CAMK4: variants seen among roughly 807,000 people sequenced by gnomAD.
CAMK4 encodes the protein calcium/calmodulin-dependent protein kinase type IV.
A neutral mutation model predicts 44.9 loss-of-function variants in CAMK4; 22 were observed. That is an observed-to-expected ratio of 0.49 (90% CI 0.35 to 0.70). The LOEUF (loss-of-function observed/expected upper bound fraction) is 0.70. CAMK4 is among the 30% of genes least tolerant of loss of function. The pLI is 0.01. For missense variants in CAMK4, 498 were observed against 586.8 expected, an observed-to-expected ratio of 0.85 and a Z score of 1.56; for synonymous variants, 218 against 215.4, an observed-to-expected ratio of 1.01 and a Z score of -0.11.
chr5:111,226,910 G>C (rs1174930215), intron 1 of CAMK4, among the ~76,000 whole-genome samples: 1 of 152,134 alleles, frequency 6.6e-6, no homozygotes, highest in Non-Finnish European at 1.5e-5. Flanking sequence ...CATCCTATTG[G>C]AGACCCTCTG....
Position 111,479,085 on chromosome 5 carries a change from C to T in CAMK4, c.828+578C>T, listed in dbSNP as rs536395423. 2.6e-5 allele frequency among the ~76,000 whole-genome samples: 4 copies of T among 152,202 alleles called. No homozygotes were observed. The South Asian group carries it at 8.3e-4, about 32-fold the overall frequency. ...GGAAATATGGGGTCTTGCTATGTTG[C>T]CCAGGCTGGTCTCAAACTCCTGCCC... is the stretch of plus-strand genomic sequence containing the variant. On this transcript the variant is annotated intron_variant, in intron 9 of 10. Coordinates refer to ENST00000282356, the MANE Select transcript of CAMK4 (RefSeq NM_001744.6).
At chr5:111,242,393 T>C (rs753963185) in intron 1 of CAMK4, among the ~76,000 whole-genome samples, 1 of 152,198 alleles carries the variant, frequency 6.6e-6, no homozygotes, top group Non-Finnish European at 1.5e-5. Flanking sequence ...ACACATTCAA[T>C]AAAGGTTAAT....
chr5:111,301,987 T>A (rs1747739363), intron 1 of CAMK4, among the ~76,000 whole-genome samples: 1 of 152,228 alleles, frequency 6.6e-6, no homozygotes. Context: ...TGTAATGATT[T>A]AACTGGCATT....
At chr5:111,352,109 G>C (rs905941086) in intron 2 of CAMK4, among the ~76,000 whole-genome samples, 3 of 151,986 alleles carry the variant, frequency 2.0e-5, no homozygotes, top group Non-Finnish European at 4.4e-5. Flanking sequence ...CTATCATTGG[G>C]GATTTAGGCT....
chr5:111,236,297 G>T lies in CAMK4; in HGVS notation c.161+11653G>T, dbSNP rs140633895. Among the ~76,000 whole-genome samples the T allele has an allele frequency of 5.7e-3, 866 of 152,334 alleles. 6 individuals carry two copies. The highest frequency in any genetic ancestry group is 6.4e-3 in the Non-Finnish European group (438 of 68,032). On this transcript the variant is annotated intron_variant, in intron 1 of 10. Transcript: ENST00000282356. ...CAATCTGAGCTCAACTTCCAGGCCA[G>T]CCTCCTTCCCCACCACTTCTCTTCT...
At chr5:111,449,092 A>C (rs1333092166) in intron 6 of CAMK4, 37 bp from the exon 7 acceptor site, 1 of 852,566 alleles carries the variant, frequency 1.2e-6, no homozygotes, top group African/African-American at 1.7e-5. Context: ...AAAGCTGAGA[A>C]GACGTGCTTC....
intron 1 of CAMK4, among the ~76,000 whole-genome samples, chr5:111,243,869 T>G (rs987969515): frequency 6.6e-6 from 1 of 152,222 alleles, no homozygotes; most frequent in Non-Finnish European, 1.5e-5. Flanking sequence ...TGCATTCATC[T>G]TCACCATTCT....
chr5:111,341,263 A>G (rs1749631610), intron 1 of CAMK4, among the ~76,000 whole-genome samples: 1 of 151,278 alleles, frequency 6.6e-6, no homozygotes, highest in Non-Finnish European at 1.5e-5. Context: ...TATCTAAGAA[A>G]TCATTGCCTA....
intron 1 of CAMK4, among the ~76,000 whole-genome samples, chr5:111,248,227 A>G (rs750921784): frequency 6.6e-6 from 1 of 152,230 alleles, no homozygotes; most frequent in African/African-American, 2.4e-5. Context: ...AATTTAATAA[A>G]TGTTGACTGA....
chr5:111,372,501 G>T (rs441470), intron 2 of CAMK4, among the ~76,000 whole-genome samples: 1 of 152,028 alleles, frequency 6.6e-6, no homozygotes, highest in African/African-American at 2.4e-5. Flanking sequence ...GTTTCATGCC[G>T]TTTGGAAAGG....
intron 4 of CAMK4, among the ~76,000 whole-genome samples, chr5:111,377,988 G>A (rs1751277848): frequency 6.6e-6 from 1 of 152,102 alleles, no homozygotes; most frequent in African/African-American, 2.4e-5. Context: ...TGCGTTGAGA[G>A]AGGAACACTC....
chr5:111,275,621 G>C (rs1750727782), intron 1 of CAMK4, among the ~76,000 whole-genome samples: 1 of 152,012 alleles, frequency 6.6e-6, no homozygotes, highest in Non-Finnish European at 1.5e-5. Context: ...TATAGCTTGG[G>C]AGTAAAGCAT....
At chr5:111,225,447 TC>T (rs1286591095) in intron 1 of CAMK4, among the ~76,000 whole-genome samples, 1 of 148,702 alleles carries the variant, frequency 6.7e-6, no homozygotes, top group Non-Finnish European at 1.5e-5. Context: ...ATTATAGTTT[TC>T]TTTCCCTTAC....
At chr5:111,334,880 AC>A (rs1484725724) in intron 1 of CAMK4, among the ~76,000 whole-genome samples, 1 of 151,564 alleles carries the variant, frequency 6.6e-6, no homozygotes. Flanking sequence ...ATACTTTGTA[AC>A]CAAGCATCTT....
In CAMK4 at chr5:111,322,556, ACT is replaced by A. The variant is rs147112318; in HGVS notation, c.162-21463_162-21462del. 5.1e-3 allele frequency among the ~76,000 whole-genome samples: 777 copies of A among 152,160 alleles called. 11 individuals are homozygous for A. Among genetic ancestry groups the A allele is most frequent in the African/African-American group, 0.018 (742 of 41,530 alleles). On this transcript the variant is annotated intron_variant, in intron 1 of 10. Transcript: ENST00000282356. ...TTTAAAAGTAGATAACATAATCCAG[ACT>A]CTCTAGTGTGTATCATTTAAAAATA...
intron 1 of CAMK4, among the ~76,000 whole-genome samples, chr5:111,294,155 A>G (rs945716182): frequency 2.0e-5 from 3 of 152,244 alleles, no homozygotes; most frequent in Non-Finnish European, 2.9e-5. Context: ...ATTCAAATGA[A>G]TACATATAGA....
In CAMK4 at chr5:111,490,993, A is replaced by T. The variant is rs895929890; in HGVS notation, c.*6527A>T. The T allele has an allele frequency of 6.6e-6, 1 of 152,192 alleles. No individual in the cohort carries two copies. Among genetic ancestry groups the T allele is most frequent in the African/African-American group, 2.4e-5 (1 of 41,452 alleles). 9.4% of individuals were successfully genotyped at this position (152,192 alleles called of 1,614,324 possible). A position where few individuals can be genotyped will look rare whatever the true frequency, so the allele number is the denominator to read the frequency against. On this transcript the variant is annotated 3_prime_UTR_variant, in exon 11 of 11. Coordinates refer to ENST00000282356, the MANE Select transcript of CAMK4 (RefSeq NM_001744.6). ...GCCCAATGAACTAAAGGTATCAGTA[A>T]AAGATTATTAGTAAACAAATTAGTT...
chr5:111,346,895 G>C (rs1001833769), intron 2 of CAMK4, among the ~76,000 whole-genome samples: 1 of 151,924 alleles, frequency 6.6e-6, no homozygotes, highest in African/African-American at 2.4e-5. Flanking sequence ...GTTTATTGCA[G>C]GGTGACAAAC....
intron 2 of CAMK4, among the ~76,000 whole-genome samples, chr5:111,344,780 C>T (rs1019858514): frequency 2.6e-5 from 4 of 151,750 alleles, no homozygotes; most frequent in African/African-American, 9.7e-5. Flanking sequence ...GAGTAAGAAA[C>T]ACAGTAGATG....
Sources: allele counts gnomAD v4.1 joint callset (sites outside exome capture counted in the v4.1 genomes callset), GRCh38; gene constraint gnomAD v4.1.1; transcripts MANE v1.5; gene names NCBI Gene and HGNC (gene_info 2026-07-23, HGNC 2026-07-21).